The following ASCC3 variants were observed in gnomAD, a reference collection of about 807,000 sequenced individuals.
ASCC3 encodes ASC-1 complex subunit P200.
Under a neutral mutation model 256.3 loss-of-function variants are expected in ASCC3, and 158 were observed. The ratio of observed to expected loss-of-function variants is 0.62; its 90% confidence interval spans 0.54 to 0.70. The LOEUF is 0.70. Ranked by LOEUF, ASCC3 falls within the 30% of genes least tolerant of loss-of-function variation. The pLI, the probability that ASCC3 is intolerant of heterozygous loss-of-function variation, is 0.00. For missense variants in ASCC3, 2,259 were observed against 2,626.0 expected (o/e 0.86, Z 3.05); for synonymous variants, 948 against 883.4 (o/e 1.07, Z -1.30).
chr6:100,691,720 T>C (rs951396311), intron 13 of ASCC3, among the ~76,000 whole-genome samples: 5 of 152,030 alleles, frequency 3.3e-5, no homozygotes, highest in Non-Finnish European at 7.4e-5. Flanking sequence ...GTTTTTGTTT[T>C]AGAAAAATTT....
At chr6:100,755,281 TAA>T (rs1353836167) in intron 10 of ASCC3, among the ~76,000 whole-genome samples, 1 of 152,038 alleles carries the variant, frequency 6.6e-6, no homozygotes, top group African/African-American at 2.4e-5. Flanking sequence ...TGGAAAATGC[TAA>T]GTTTATAATG....
intron 36 of ASCC3, among the ~76,000 whole-genome samples, chr6:100,562,165 AG>A (rs1285203228): frequency 6.6e-6 from 1 of 150,756 alleles, no homozygotes; most frequent in Non-Finnish European, 1.5e-5. Context: ...ATCCTTTTTC[AG>A]GAGAATATAA....
At chr6:100,661,750 T>C in intron 16 of ASCC3, 56 bp downstream of exon 16, 1 of 1,543,660 alleles carries the variant, frequency 6.5e-7, no homozygotes, top group Non-Finnish European at 8.9e-7. Context: ...TTCATCTTTC[T>C]TGGTCATTCT....
intron 36 of ASCC3, among the ~76,000 whole-genome samples, chr6:100,586,189 G>C (rs930186860): frequency 5.3e-5 from 8 of 152,188 alleles, no homozygotes; most frequent in Non-Finnish European, 1.2e-4. Flanking sequence ...CCCAGAGGTG[G>C]GGCCTACAGA....
intron 13 of ASCC3, among the ~76,000 whole-genome samples, chr6:100,702,568 T>C (rs762559361): frequency 2.0e-5 from 3 of 152,016 alleles, no homozygotes; most frequent in Non-Finnish European, 2.9e-5. Context: ...TGGGATGGGA[T>C]AAAACCACAA....
chr6:100,671,667 C>A (rs1370287402), intron 14 of ASCC3, among the ~76,000 whole-genome samples: 2 of 152,132 alleles, frequency 1.3e-5, no homozygotes, highest in East Asian at 3.9e-4. Context: ...TCCATCAGCA[C>A]AATTAAGGCA....
chr6:100,735,049 T>C (rs1780083666), intron 10 of ASCC3, among the ~76,000 whole-genome samples: 1 of 152,284 alleles, frequency 6.6e-6, no homozygotes. Context: ...GTATGTTATA[T>C]ATTAAGGAGG....
At chr6:100,715,568 A>G in intron 12 of ASCC3, 35 bp from the exon 13 acceptor site, 1 of 1,548,250 alleles carries the variant, frequency 6.5e-7, no homozygotes, top group Non-Finnish European at 8.9e-7. Context: ...AAATCATGTG[A>G]AACAATTATA....
intron 37 of ASCC3, among the ~76,000 whole-genome samples, chr6:100,536,250 A>G (rs1333233902): frequency 6.6e-6 from 1 of 152,192 alleles, no homozygotes; most frequent in Non-Finnish European, 1.5e-5. Flanking sequence ...AGGTAGAAAG[A>G]GGAGTTATTA....
chr6:100,638,492 G>A (rs938439136), intron 25 of ASCC3, 109 bp downstream of exon 25: 87 of 914,546 alleles, frequency 9.5e-5, no homozygotes, highest in Admixed American at 1.7e-4. Context: ...AATTCACTGA[G>A]AGTGACAAAT....
rs1221138371 is a variant in ASCC3, at chr6:100,508,933, A to T, written c.*453T>A. 1.2e-5 allele frequency: 2 copies of T among 170,962 alleles called. No homozygotes were observed. The highest frequency in any genetic ancestry group is 4.8e-5 in the African/African-American group (2 of 41,560). The allele number at this position is 170,962 out of a possible 1,614,324, so 10.6% of individuals were successfully genotyped here. On this transcript the variant is annotated 3_prime_UTR_variant, in exon 42 of 42. Coordinates refer to ENST00000369162, the MANE Select transcript of ASCC3 (RefSeq NM_006828.4). The stretch of plus-strand genomic sequence containing the variant: ...TCAAAGTATAAATTTTGCTAACAAG[A>T]CACGCTGTGTACCACCTTACAGATT...
chr6:100,841,646 G>A (rs958193766), intron 4 of ASCC3, among the ~76,000 whole-genome samples: 1 of 151,288 alleles, frequency 6.6e-6, no homozygotes, highest in African/African-American at 2.4e-5. Flanking sequence ...GTTGATAATG[G>A]ATTAATGTCA....
At chr6:100,645,860 A>C (rs1775354967) in intron 22 of ASCC3, among the ~76,000 whole-genome samples, 1 of 152,220 alleles carries the variant, frequency 6.6e-6, no homozygotes, top group African/African-American at 2.4e-5. Flanking sequence ...CAGAGAAGTA[A>C]AGAAAATAAC....
chr6:100,616,328 G>A (rs538596072), intron 30 of ASCC3, among the ~76,000 whole-genome samples: 1 of 152,292 alleles, frequency 6.6e-6, no homozygotes, highest in South Asian at 2.1e-4. Flanking sequence ...AAACACTTTA[G>A]TATTAAGCAT....
At position 100,631,229 on chromosome 6, in the gene ASCC3, T is replaced by A. The variant is rs1005317028; in HGVS notation, c.4123-16A>T. On this transcript the variant is annotated splice_polypyrimidine_tract_variant and intron_variant, in intron 25 of 41. Coordinates refer to ENST00000369162, the MANE Select transcript of ASCC3 (RefSeq NM_006828.4). ...TATATACCGCCTAAAAAGGGGAGAATAGCCAAAAATACTCTTATGAAAATA... is the reference window on the plus strand; with the variant it reads ...TATATACCGCCTAAAAAGGGGAGAAAAGCCAAAAATACTCTTATGAAAATA... 1 of 1,563,306 alleles carries A rather than the reference T, an allele frequency of 6.4e-7. No homozygotes were observed. Among genetic ancestry groups the A allele is most frequent in the African/African-American group, 1.4e-5 (1 of 73,824 alleles).
chr6:100,694,763 T>A (rs1250823087), intron 13 of ASCC3, among the ~76,000 whole-genome samples: 1 of 152,044 alleles, frequency 6.6e-6, no homozygotes, highest in Admixed American at 6.6e-5. Context: ...CAGAGTAAAT[T>A]ATAAAAGTCC....
chr6:100,533,123 T>C (rs1774998439), intron 37 of ASCC3, among the ~76,000 whole-genome samples: 1 of 151,780 alleles, frequency 6.6e-6, no homozygotes, highest in Non-Finnish European at 1.5e-5. Flanking sequence ...TTTGTTTTTG[T>C]TTTTCAATAT....
intron 12 of ASCC3, among the ~76,000 whole-genome samples, chr6:100,716,535 A>C (rs1779094794): frequency 6.6e-6 from 1 of 151,912 alleles, no homozygotes; most frequent in South Asian, 2.1e-4. Context: ...AACTCTTATG[A>C]CCTATAACGG....
intron 36 of ASCC3, among the ~76,000 whole-genome samples, chr6:100,566,171 T>G (rs547827001): frequency 6.6e-5 from 10 of 152,294 alleles, no homozygotes; most frequent in South Asian, 6.2e-4. Context: ...ATGTGTCCCT[T>G]AAATATGTAT....
Sources: gnomAD v4.1 joint callset for allele counts (sites outside exome capture counted in the v4.1 genomes callset) on GRCh38, gnomAD v4.1.1 for gene constraint, MANE v1.5 for transcripts, NCBI Gene and HGNC (gene_info 2026-07-23, HGNC 2026-07-21) for gene names.